ZSWIM6: variants seen among roughly 807,000 people sequenced by gnomAD.
ZSWIM6 encodes the protein zinc finger SWIM domain-containing protein 6.
A neutral mutation model predicts 113.2 loss-of-function variants in ZSWIM6; 9 were observed. That is an observed-to-expected ratio of 0.08 (90% CI 0.05 to 0.14). The LOEUF is 0.14. Ranked by LOEUF, ZSWIM6 falls within the 10% of genes least tolerant of loss-of-function variation. ZSWIM6 has a pLI of 1.00. For synonymous variants in ZSWIM6, 611 were observed against 606.5 expected (o/e 1.01, Z -0.11); for missense variants, 1,162 against 1,552.2 (o/e 0.75, Z 4.22).
chr5:61,468,926 G>A (rs1481826231), intron 1 of ZSWIM6, among the ~76,000 whole-genome samples: 2 of 152,136 alleles, frequency 1.3e-5, no homozygotes, highest in African/African-American at 4.8e-5. Flanking sequence ...CCCTTTATGT[G>A]TATATGTATA....
chr5:61,447,885 T>C (rs888705549), intron 1 of ZSWIM6, among the ~76,000 whole-genome samples: 2 of 152,158 alleles, frequency 1.3e-5, no homozygotes, highest in Non-Finnish European at 2.9e-5. Context: ...TAAGGGTTTA[T>C]ATAGCAGGGA....
chr5:61,470,064 A>G (rs971596983), intron 1 of ZSWIM6, among the ~76,000 whole-genome samples: 1 of 152,180 alleles, frequency 6.6e-6, no homozygotes, highest in African/African-American at 2.4e-5. Flanking sequence ...CTCTTTAAAT[A>G]CTAACTGGTT....
intron 1 of ZSWIM6, among the ~76,000 whole-genome samples, chr5:61,350,206 T>C (rs1480900392): frequency 1.3e-5 from 2 of 152,236 alleles, no homozygotes; most frequent in Non-Finnish European, 2.9e-5. Context: ...ATGTCTCTTT[T>C]CCTATACAGT....
Position 61,543,421 on chromosome 5 carries a change from C to T in ZSWIM6, c.2786-34C>T, listed in dbSNP as rs187935740. ...AGGCAGGACCTCTGGGCAGCCTCCTCGTCAGTAATAGAGCCTGTTTGTGTT... is the reference window on the plus strand; with the variant it reads ...AGGCAGGACCTCTGGGCAGCCTCCTTGTCAGTAATAGAGCCTGTTTGTGTT... On this transcript the variant is annotated intron_variant, in intron 13 of 13. Transcript: ENST00000252744. The surrounding 1 kb of genome is among the most constrained non-coding windows in gnomAD (Gnocchi z 4.3). 43 of 1,523,546 alleles carry T rather than the reference C, an allele frequency of 2.8e-5. No individual in the cohort carries two copies. Among genetic ancestry groups the T allele is most frequent in the Admixed American group, 2.6e-4 (13 of 49,308 alleles). 94.4% of individuals were successfully genotyped at this position (1,523,546 alleles called of 1,614,324 possible).
intron 4 of ZSWIM6, among the ~76,000 whole-genome samples, chr5:61,508,092 GCTT>G (rs1748675004): frequency 6.6e-6 from 1 of 152,120 alleles, no homozygotes; most frequent in Non-Finnish European, 1.5e-5. Flanking sequence ...TATAAAGCGG[GCTT>G]CTTTTTCATG....
chr5:61,447,303 A>G (rs1331834531), intron 1 of ZSWIM6, among the ~76,000 whole-genome samples: 2 of 152,204 alleles, frequency 1.3e-5, no homozygotes, highest in African/African-American at 4.8e-5. Context: ...ATCAACACAT[A>G]TACAAACAAT....
At chr5:61,504,980 T>G (rs1162655555) in intron 4 of ZSWIM6, among the ~76,000 whole-genome samples, 1 of 152,192 alleles carries the variant, frequency 6.6e-6, no homozygotes, top group East Asian at 1.9e-4. Flanking sequence ...TAATATAACG[T>G]AGGACATGTT....
rs576474341 is a variant in ZSWIM6 at position 61,404,539 on chromosome 5, G to A, written c.677-68142G>A. ...GTAGGCAGCAGACCTTATGGTAGAG[G>A]AGGGAAGATGAACTTTAAAGAGAAA... On this transcript the variant is annotated intron_variant, in intron 1 of 13. Coordinates refer to ENST00000252744, the MANE Select transcript of ZSWIM6 (RefSeq NM_020928.2). Among the ~76,000 whole-genome samples, 3 of 152,292 alleles carry A rather than the reference G, an allele frequency of 2.0e-5. No individual in the cohort carries two copies. The East Asian group carries it at 5.8e-4, about 29-fold the overall frequency.
intron 5 of ZSWIM6, among the ~76,000 whole-genome samples, chr5:61,521,817 T>G (rs1007546697): frequency 1.3e-5 from 2 of 152,204 alleles, no homozygotes; most frequent in Non-Finnish European, 2.9e-5. Flanking sequence ...AGGAGCTATA[T>G]GTTTTTATTT....
At chr5:61,340,523 T>C (rs1744520876) in intron 1 of ZSWIM6, among the ~76,000 whole-genome samples, 1 of 152,236 alleles carries the variant, frequency 6.6e-6, no homozygotes, top group Non-Finnish European at 1.5e-5. Flanking sequence ...GTAAATAAAA[T>C]ACTCTTGCAT....
chr5:61,495,436 A>C (rs1033522809), intron 4 of ZSWIM6, among the ~76,000 whole-genome samples: 2 of 152,170 alleles, frequency 1.3e-5, no homozygotes, highest in African/African-American at 2.4e-5. Flanking sequence ...TCTTTTTCCT[A>C]TTAATAGGAT....
At chr5:61,348,841 G>A (rs893749022) in intron 1 of ZSWIM6, among the ~76,000 whole-genome samples, 1 of 152,054 alleles carries the variant, frequency 6.6e-6, no homozygotes, top group African/African-American at 2.4e-5. Flanking sequence ...AGATTGAGGG[G>A]CATTCTGTCT....
chr5:61,469,949 C>T (rs376983221), intron 1 of ZSWIM6, among the ~76,000 whole-genome samples: 4 of 152,152 alleles, frequency 2.6e-5, no homozygotes, highest in South Asian at 4.2e-4. Context: ...CCTCGTGATC[C>T]GCCTGCCTCG....
chr5:61,388,619 T>G (rs1292032868), intron 1 of ZSWIM6, among the ~76,000 whole-genome samples: 4 of 152,256 alleles, frequency 2.6e-5, no homozygotes, highest in African/African-American at 7.2e-5. Context: ...CTGTGAGAGA[T>G]AAACCAAGGC....
At chr5:61,391,431 C>T (rs1293282833) in intron 1 of ZSWIM6, 3 of 1,119,644 alleles carry the variant, frequency 2.7e-6, no homozygotes, top group Non-Finnish European at 4.1e-6. Flanking sequence ...TGAAGTCCTT[C>T]TCCAGCTGCT....
In ZSWIM6 at chr5:61,544,199, A is replaced by C. The variant is rs1486870596; in HGVS notation, c.3530A>C (p.Glu1177Ala). ...EFIEFLSKAR[E>A]TFLMAHDGHI... Reference sequence around the variant, plus strand: ...ATAGAGTTCCTCAGCAAAGCCCGAGAGACCTTCTTAATGGCGCATGATGGA... The same window carrying C: ...ATAGAGTTCCTCAGCAAAGCCCGAGCGACCTTCTTAATGGCGCATGATGGA... The change falls in exon 14 of 14, where the codon GAG becomes GCG. Residue 1177 changes from glutamate (E) to alanine (A), a missense_variant. This residue lies in a region of ZSWIM6 where 113 missense variants were observed against 213.8 expected (regional missense o/e 0.53). Transcript: ENST00000252744. 6.4e-7 allele frequency: 1 copy of C among 1,551,698 alleles called. No individual in the cohort carries two copies. The highest frequency in any genetic ancestry group is 1.2e-5 in the South Asian group (1 of 84,062).
At chr5:61,512,645 A>T (rs556105153) in intron 4 of ZSWIM6, among the ~76,000 whole-genome samples, 15 of 152,088 alleles carry the variant, frequency 9.9e-5, no homozygotes, top group South Asian at 2.1e-4. Flanking sequence ...CAGGTTAAAA[A>T]TTTTTTTTAT....
chr5:61,503,288 G>T (rs1358395464), intron 4 of ZSWIM6, among the ~76,000 whole-genome samples: 1 of 152,180 alleles, frequency 6.6e-6, no homozygotes, highest in Non-Finnish European at 1.5e-5. Flanking sequence ...CCAGGGTAAT[G>T]ATACTAGTTG....
At chr5:61,408,540 T>TA (rs1746086803) in intron 1 of ZSWIM6, among the ~76,000 whole-genome samples, 2 of 152,190 alleles carry the variant, frequency 1.3e-5, no homozygotes. Context: ...TCAGCAGTAT[T>TA]AAAAATCAGT....
Sources: gnomAD v4.1 joint callset for allele counts (sites outside exome capture counted in the v4.1 genomes callset) on GRCh38, gnomAD v4.1.1 for gene constraint, gnomAD v4.1.1 regional missense constraint, Gnocchi (gnomAD v3.1) non-coding constraint, MANE v1.5 for transcripts, NCBI Gene and HGNC (gene_info 2026-07-23, HGNC 2026-07-21) for gene names.